GABBR2: variants seen among roughly 807,000 people sequenced by gnomAD.
The protein encoded by GABBR2 is gamma-aminobutyric acid type B receptor subunit 2, also known as G-protein coupled receptor 51.
A neutral mutation model predicts 105.6 loss-of-function variants in GABBR2; 23 were observed. The ratio of observed to expected loss-of-function variants is 0.22; its 90% CI spans 0.16 to 0.31. The LOEUF is 0.31. Ranked by LOEUF, GABBR2 falls within the 10% of genes least tolerant of loss-of-function variation. GABBR2 has a pLI of 1.00. For missense variants in GABBR2, 734 were observed against 1,245.5 expected, an observed-to-expected ratio of 0.59 and a Z score of 6.18; for synonymous variants, 478 against 499.7, an observed-to-expected ratio of 0.96 and a Z score of 0.58.
intron 1 of GABBR2, among the ~76,000 whole-genome samples, chr9:98,599,998 AG>A (rs1288401982): frequency 6.6e-6 from 1 of 152,174 alleles, no homozygotes; most frequent in Non-Finnish European, 1.5e-5. Context: ...CAATTAAGAA[AG>A]GGGCAGGCAC....
intron 10 of GABBR2, among the ~76,000 whole-genome samples, chr9:98,386,063 C>T (rs1210975637): frequency 6.6e-6 from 1 of 152,218 alleles, no homozygotes; most frequent in African/African-American, 2.4e-5. Context: ...TTGTCCTTCA[C>T]TAAAAGACCT....
chr9:98,646,914 C>T (rs929322103), intron 1 of GABBR2, among the ~76,000 whole-genome samples: 8 of 152,118 alleles, frequency 5.3e-5, no homozygotes, highest in African/African-American at 1.7e-4. Context: ...ACAGAGAAAG[C>T]GAGGCTCAGA....
intron 2 of GABBR2, among the ~76,000 whole-genome samples, chr9:98,545,857 C>G (rs1320143068): frequency 6.6e-6 from 1 of 152,148 alleles, no homozygotes; most frequent in African/African-American, 2.4e-5. Context: ...TCCCCTAGCA[C>G]AGTCACCCAG....
intron 7 of GABBR2, among the ~76,000 whole-genome samples, chr9:98,421,209 C>A (rs1052516262): frequency 1.3e-5 from 2 of 152,208 alleles, no homozygotes; most frequent in African/African-American, 2.4e-5. Context: ...AAGTAATTCA[C>A]AGTCTCAACA....
chr9:98,461,048 C>T (rs1291241640), intron 6 of GABBR2, among the ~76,000 whole-genome samples: 1 of 152,152 alleles, frequency 6.6e-6, no homozygotes, highest in Non-Finnish European at 1.5e-5. Context: ...CTAGTCAATA[C>T]ATCTCTCAAT....
At chr9:98,369,871 TG>T (rs1358819214) in intron 12 of GABBR2, among the ~76,000 whole-genome samples, 1 of 152,024 alleles carries the variant, frequency 6.6e-6, no homozygotes, top group Non-Finnish European at 1.5e-5. Context: ...CATGGTACCC[TG>T]GTGAGAGAAA....
chr9:98,623,018 G>A (rs1211086732), intron 1 of GABBR2, among the ~76,000 whole-genome samples: 1 of 152,212 alleles, frequency 6.6e-6, no homozygotes, highest in Non-Finnish European at 1.5e-5. Flanking sequence ...TGGGGATGTT[G>A]ATAATGGGGG....
At chr9:98,372,713 C>T (rs1039841370) in intron 11 of GABBR2, among the ~76,000 whole-genome samples, 2 of 152,212 alleles carry the variant, frequency 1.3e-5, no homozygotes, top group African/African-American at 4.8e-5. Flanking sequence ...TGTTCCCAGC[C>T]CATTCCCCTT....
At chr9:98,613,431 C>T (rs1329148423) in intron 1 of GABBR2, among the ~76,000 whole-genome samples, 1 of 133,716 alleles carries the variant, frequency 7.5e-6, no homozygotes. Context: ...CGGAGCAAGA[C>T]ACTGTCTCAG....
At chr9:98,345,683 T>C (rs1831291430) in intron 13 of GABBR2, among the ~76,000 whole-genome samples, 1 of 152,228 alleles carries the variant, frequency 6.6e-6, no homozygotes, top group South Asian at 2.1e-4. Flanking sequence ...GCAAATGACA[T>C]GATCGTCTAT....
At chr9:98,451,021 C>G (rs916025343) in intron 7 of GABBR2, among the ~76,000 whole-genome samples, 2 of 152,202 alleles carry the variant, frequency 1.3e-5, no homozygotes, top group Non-Finnish European at 2.9e-5. Context: ...ACTTTGAATT[C>G]ATTTTGAAAC....
intron 3 of GABBR2, among the ~76,000 whole-genome samples, chr9:98,513,036 T>C (rs1046061362): frequency 2.0e-5 from 3 of 152,052 alleles, no homozygotes; most frequent in Admixed American, 1.3e-4. Flanking sequence ...CAAAACAGCA[T>C]GGTACTGGTA....
In GABBR2 at chr9:98,701,635, G is replaced by A. The variant is rs149182649; in HGVS notation, c.321+6782C>T. ...TCATTAAGCTCCATAAGGCCCTGAG[G>A]GATGAGACTGACCCTACCCTCAAGA... On this transcript the variant is annotated intron_variant, in intron 1 of 18. Coordinates refer to ENST00000259455, the MANE Select transcript of GABBR2 (RefSeq NM_005458.8). 1.6e-3 allele frequency among the ~76,000 whole-genome samples: 241 copies of A among 152,176 alleles called. 1 individual carries two copies. Among genetic ancestry groups the A allele is most frequent in the African/African-American group, 5.6e-3 (232 of 41,502 alleles).
At chr9:98,384,608 C>CA (rs199734788) in intron 11 of GABBR2, among the ~76,000 whole-genome samples, 276 of 149,100 alleles carry the variant, frequency 1.9e-3, no homozygotes, top group Non-Finnish European at 3.1e-3. Context: ...ACCCAAAAAA[C>CA]AAAAAAAAAT....
chr9:98,685,047 G>C (rs1415404228), intron 1 of GABBR2, among the ~76,000 whole-genome samples: 3 of 152,220 alleles, frequency 2.0e-5, no homozygotes, highest in African/African-American at 7.2e-5. Flanking sequence ...CAGTGAACTA[G>C]GAGATGCAGA....
At position 98,334,120 on chromosome 9, in the gene GABBR2, A is replaced by G. The variant is rs1321415102; in HGVS notation, c.1894-22915T>C. Among the ~76,000 whole-genome samples the G allele has an allele frequency of 7.9e-5, 12 of 152,334 alleles. No individual in the cohort carries two copies. In the East Asian group the frequency reaches 2.3e-3, roughly 29 times the overall value. On this transcript the variant is annotated intron_variant, in intron 13 of 18. Coordinates refer to ENST00000259455, the MANE Select transcript of GABBR2 (RefSeq NM_005458.8). The stretch of plus-strand genomic sequence containing the variant: ...TAGAAGAAGGCTGAGTAGATCTAGT[A>G]CTAAGGATGAAGCGGGACTGGAAGG...
intron 18 of GABBR2, among the ~76,000 whole-genome samples, chr9:98,291,210 C>T (rs754398936): frequency 7.2e-5 from 11 of 152,202 alleles, no homozygotes; most frequent in Non-Finnish European, 1.3e-4. Context: ...GCCATATCAT[C>T]TAACACAAGG....
chr9:98,483,524 A>C (rs2131646698), intron 4 of GABBR2, among the ~76,000 whole-genome samples: 1 of 152,290 alleles, frequency 6.6e-6, no homozygotes, highest in African/African-American at 2.4e-5. Flanking sequence ...GATGGTAAAG[A>C]TCCTATGCAG....
chr9:98,421,085 G>A lies in GABBR2; in HGVS notation c.1237-14944C>T, dbSNP rs370590200. On this transcript the variant is annotated intron_variant, in intron 7 of 18. Coordinates refer to ENST00000259455, the MANE Select transcript of GABBR2 (RefSeq NM_005458.8). ...AACCATGGTTCCCAAACTGGGCCCC[G>A]AGGTGTCCCAGGGTACTAGAGTGAA... 3.3e-5 allele frequency among the ~76,000 whole-genome samples: 5 copies of A among 152,310 alleles called. No individual in the cohort carries two copies. The South Asian group carries it at 8.3e-4, about 25-fold the overall frequency.
Sources: gnomAD v4.1 joint callset for allele counts (sites outside exome capture counted in the v4.1 genomes callset) on GRCh38, gnomAD v4.1.1 for gene constraint, MANE v1.5 for transcripts, NCBI Gene and HGNC (gene_info 2026-07-23, HGNC 2026-07-21) for gene names.